The following ZNF385D variants were observed in gnomAD, a reference collection of about 807,000 sequenced individuals.
The protein encoded by ZNF385D is zinc finger protein 659.
In ZNF385D, 15 loss-of-function variants were observed where a neutral mutation model predicts 35.8. The ratio of observed to expected loss-of-function variants is 0.42; its 90% confidence interval spans 0.28 to 0.64. ZNF385D has a LOEUF of 0.64. ZNF385D is among the 30% of genes least tolerant of loss of function. The probability of loss-of-function intolerance (pLI) is 0.23; values close to 1 mark genes in which losing one functional copy is unlikely to be tolerated. For synonymous variants in ZNF385D, 212 were observed against 186.8 expected, an observed-to-expected ratio of 1.13 and a Z score of -1.10; for missense variants, 474 against 494.6, an observed-to-expected ratio of 0.96 and a Z score of 0.39.
chr3:22,026,786 G>C (rs748480310), intron 3 of ZNF385D, among the ~76,000 whole-genome samples: 2 of 152,306 alleles, frequency 1.3e-5, no homozygotes, highest in African/African-American at 4.8e-5. Flanking sequence ...TGGAGGGATT[G>C]AGAACATTAG....
intron 2 of ZNF385D, among the ~76,000 whole-genome samples, chr3:22,201,753 T>C (rs919705217): frequency 3.4e-4 from 51 of 151,818 alleles, no homozygotes; most frequent in Non-Finnish European, 2.9e-5. Context: ...GAAGGCATGG[T>C]AAGTAAGCAC....
At chr3:22,031,327 C>A (rs1178895416) in intron 3 of ZNF385D, among the ~76,000 whole-genome samples, 1 of 152,248 alleles carries the variant, frequency 6.6e-6, no homozygotes, top group Non-Finnish European at 1.5e-5. Context: ...ATGAGGGGCT[C>A]TGCCCCTGCA....
intron 3 of ZNF385D, among the ~76,000 whole-genome samples, chr3:21,983,227 A>G (rs1694606292): frequency 6.9e-6 from 1 of 145,160 alleles, no homozygotes; most frequent in African/African-American, 2.5e-5. Context: ...GGTTAGTTAC[A>G]TATGTATACA....
At chr3:21,499,300 T>TA (rs1164992369) in intron 4 of ZNF385D, among the ~76,000 whole-genome samples, 1 of 152,094 alleles carries the variant, frequency 6.6e-6, no homozygotes, top group Non-Finnish European at 1.5e-5. Context: ...ATGTAAACAT[T>TA]AAAAAAGAAC....
At chr3:21,615,793 AGTGTGT>A (rs144521609) in intron 2 of ZNF385D, among the ~76,000 whole-genome samples, 16 of 145,350 alleles carry the variant, frequency 1.1e-4, no homozygotes, top group East Asian at 6.3e-4. Flanking sequence ...ATGGAGAAAG[AGTGTGT>A]GTGTGTGTGT....
chr3:21,744,054 T>A (rs1490700288), intron 1 of ZNF385D, among the ~76,000 whole-genome samples: 1 of 152,124 alleles, frequency 6.6e-6, no homozygotes, highest in African/African-American at 2.4e-5. Context: ...CATTCTCCAT[T>A]GTAAAGAGCA....
intron 3 of ZNF385D, among the ~76,000 whole-genome samples, chr3:21,902,697 C>CAG (rs1023916295): frequency 6.6e-6 from 1 of 152,092 alleles, no homozygotes; most frequent in Non-Finnish European, 1.5e-5. Flanking sequence ...GGAAGCAAGG[C>CAG]AGAGTCATTT....
At chr3:21,581,124 G>T (rs1206594134) in intron 2 of ZNF385D, among the ~76,000 whole-genome samples, 2 of 152,096 alleles carry the variant, frequency 1.3e-5, no homozygotes, top group Non-Finnish European at 2.9e-5. Flanking sequence ...GAACTAGCCA[G>T]GTCTACATTT....
At chr3:22,100,894 A>G (rs1416426514) in intron 3 of ZNF385D, among the ~76,000 whole-genome samples, 1 of 151,808 alleles carries the variant, frequency 6.6e-6, no homozygotes, top group Non-Finnish European at 1.5e-5. Context: ...TAAAAATAAG[A>G]CTTCCAGGGT....
chr3:22,186,171 T>C (rs901736677), intron 2 of ZNF385D, among the ~76,000 whole-genome samples: 2 of 152,184 alleles, frequency 1.3e-5, no homozygotes, highest in African/African-American at 4.8e-5. Context: ...GGTTTTTCTT[T>C]AGGAACTTCA....
intron 3 of ZNF385D, among the ~76,000 whole-genome samples, chr3:21,794,540 G>A (rs1337035112): frequency 6.6e-6 from 1 of 152,136 alleles, no homozygotes; most frequent in Non-Finnish European, 1.5e-5. Context: ...CCAGATGCAA[G>A]GAGATTTGAT....
chr3:22,344,300 C>T (rs1323849604), intron 2 of ZNF385D, among the ~76,000 whole-genome samples: 1 of 151,972 alleles, frequency 6.6e-6, no homozygotes, highest in African/African-American at 2.4e-5. Flanking sequence ...CTACTGACTG[C>T]AGGATTACTA....
At chr3:22,100,003 C>A (rs1429533370) in intron 3 of ZNF385D, among the ~76,000 whole-genome samples, 1 of 151,608 alleles carries the variant, frequency 6.6e-6, no homozygotes, top group Non-Finnish European at 1.5e-5. Context: ...ACAAACAACC[C>A]CATCAAAAAG....
At chr3:21,869,539 C>G (rs1575809240) in intron 3 of ZNF385D, among the ~76,000 whole-genome samples, 2 of 152,040 alleles carry the variant, frequency 1.3e-5, no homozygotes, top group African/African-American at 4.8e-5. Flanking sequence ...CTAAGTTGAA[C>G]AGGCACCATT....
intron 3 of ZNF385D, among the ~76,000 whole-genome samples, chr3:21,774,686 G>T (rs570361942): frequency 1.8e-4 from 27 of 151,926 alleles, no homozygotes; most frequent in South Asian, 1.2e-3. Flanking sequence ...GATAAATGAT[G>T]ATGGGCTGTG....
At position 21,453,700 on chromosome 3, in the gene ZNF385D, AAAC is replaced by A. The variant is rs1472959844; in HGVS notation, c.440-16500_440-16498del. On this transcript the variant is annotated intron_variant, in intron 4 of 7. Transcript: ENST00000281523. ...ATAATAAAAAACTAAATTAAAAATA[AAAC>A]AACATAACTAGTGTCAGTGAGAATG... 2.0e-5 allele frequency among the ~76,000 whole-genome samples: 3 copies of A among 152,154 alleles called. No homozygotes were observed. In the East Asian group the frequency reaches 5.8e-4, roughly 29 times the overall value.
At chr3:22,189,548 G>C (rs969591180) in intron 2 of ZNF385D, among the ~76,000 whole-genome samples, 2 of 151,954 alleles carry the variant, frequency 1.3e-5, no homozygotes, top group African/African-American at 4.8e-5. Context: ...GAACCCGAAA[G>C]AGAAGAAAAA....
At chr3:22,123,922 ATCTCTCTCTCTCTCTC>A (rs34781505) in intron 3 of ZNF385D, among the ~76,000 whole-genome samples, 32 of 80,280 alleles carry the variant, frequency 4.0e-4, no homozygotes, top group African/African-American at 1.5e-3. Context: ...GCTAGACTCC[ATCTCTCTCTCTCTCTC>A]TCTCTCTCTC....
chr3:22,144,572 C>CAA (rs10536394), intron 3 of ZNF385D, among the ~76,000 whole-genome samples: 4 of 67,546 alleles, frequency 5.9e-5, no homozygotes, highest in Admixed American at 2.2e-4. Context: ...GACTCCATTT[C>CAA]AAAAAAAAAA....
Sources: allele counts gnomAD v4.1 joint callset (sites outside exome capture counted in the v4.1 genomes callset), GRCh38; gene constraint gnomAD v4.1.1; transcripts MANE v1.5; gene names NCBI Gene and HGNC (gene_info 2026-07-23, HGNC 2026-07-21).